The following LHFPL6 variants were observed in gnomAD, a reference collection of about 807,000 sequenced individuals.
LHFPL6 encodes LHFPL tetraspan subfamily member 6 protein.
LHFPL6 carries 9 observed loss-of-function variants against 20.6 expected under a neutral mutation model. The ratio of observed to expected loss-of-function variants is 0.44; its 90% CI spans 0.26 to 0.76. The LOEUF is 0.76. LHFPL6 is among the 30% of genes least tolerant of loss of function. The pLI is 0.20. For missense variants in LHFPL6, 218 were observed against 253.5 expected (o/e 0.86, Z 0.95); for synonymous variants, 105 against 98.7 (o/e 1.06, Z -0.38).
chr13:39,418,382 C>CTTTTTTTTT (rs71077297), intron 2 of LHFPL6, among the ~76,000 whole-genome samples: 2 of 129,738 alleles, frequency 1.5e-5, no homozygotes, highest in Non-Finnish European at 1.6e-5. Flanking sequence ...TTTTTTTGGT[C>CTTTTTTTTT]TTTTTTTTTT....
At chr13:39,415,057 T>A (rs964542543) in intron 2 of LHFPL6, among the ~76,000 whole-genome samples, 1 of 152,222 alleles carries the variant, frequency 6.6e-6, no homozygotes, top group East Asian at 1.9e-4. Context: ...CTGTGGCACA[T>A]GACCAGTTTA....
intron 2 of LHFPL6, among the ~76,000 whole-genome samples, chr13:39,476,140 T>C (rs1873079421): frequency 6.6e-6 from 1 of 152,196 alleles, no homozygotes; most frequent in African/African-American, 2.4e-5. Flanking sequence ...AGGAAACACA[T>C]ATCCCATTTT....
intron 3 of LHFPL6, among the ~76,000 whole-genome samples, chr13:39,376,524 G>A (rs889658927): frequency 1.3e-5 from 2 of 152,130 alleles, no homozygotes; most frequent in African/African-American, 4.8e-5. Flanking sequence ...TATTATATTC[G>A]ACGGAAGTAG....
At chr13:39,358,156 T>G (rs187957054) in intron 3 of LHFPL6, among the ~76,000 whole-genome samples, 17 of 151,842 alleles carry the variant, frequency 1.1e-4, no homozygotes, top group African/African-American at 3.9e-4. Context: ...TACAACAAAT[T>G]TACAAAAACC....
In LHFPL6 at chr13:39,351,784, T is replaced by G. The variant is rs141306520; in HGVS notation, c.485-7730A>C. ...GTTCAACCACTCATATACTGCTGAG[T>G]GTTCAAACTATATTCAAATAAAGCA... On this transcript the variant is annotated intron_variant, in intron 3 of 3. Coordinates refer to ENST00000379589, the MANE Select transcript of LHFPL6 (RefSeq NM_005780.3). Among the ~76,000 whole-genome samples the G allele has an allele frequency of 3.0e-3, 452 of 152,318 alleles. 3 individuals are homozygous for G. The highest frequency in any genetic ancestry group is 0.01 in the African/African-American group (418 of 41,586).
intron 2 of LHFPL6, among the ~76,000 whole-genome samples, chr13:39,514,270 G>A (rs769140224): frequency 1.4e-4 from 22 of 151,928 alleles, no homozygotes; most frequent in African/African-American, 3.1e-4. Context: ...AGAGAAGGGC[G>A]GGGTCACAAG....
chr13:39,436,309 G>A (rs1009761051), intron 2 of LHFPL6, among the ~76,000 whole-genome samples: 1 of 152,158 alleles, frequency 6.6e-6, no homozygotes, highest in East Asian at 1.9e-4. Flanking sequence ...TATCAGTAAA[G>A]TTGTGAAATT....
chr13:39,365,712 T>A (rs1869993616), intron 3 of LHFPL6, among the ~76,000 whole-genome samples: 1 of 152,242 alleles, frequency 6.6e-6, no homozygotes, highest in South Asian at 2.1e-4. Flanking sequence ...AAGTCCTAGC[T>A]CTCTTTTTAG....
chr13:39,475,287 G>A (rs1176598106), intron 2 of LHFPL6, among the ~76,000 whole-genome samples: 1 of 152,158 alleles, frequency 6.6e-6, no homozygotes, highest in Non-Finnish European at 1.5e-5. Context: ...TGCTTATCAT[G>A]TGTAGATGCT....
intron 2 of LHFPL6, among the ~76,000 whole-genome samples, chr13:39,509,007 C>G (rs533619699): frequency 3.9e-5 from 6 of 152,148 alleles, no homozygotes; most frequent in African/African-American, 1.4e-4. Context: ...ATTTATGCTT[C>G]GTATGGTTAG....
chr13:39,398,921 C>T (rs906346993), intron 2 of LHFPL6, among the ~76,000 whole-genome samples: 1 of 152,216 alleles, frequency 6.6e-6, no homozygotes. Context: ...ACTACACCCT[C>T]CTGTCCATGG....
chr13:39,343,649 GTTGTA>G lies in LHFPL6; in HGVS notation c.*282_*286del. On this transcript the variant is annotated 3_prime_UTR_variant, in exon 4 of 4. Transcript: ENST00000379589. ...TGTGTGTGTGTGTGTGTGTGTGTGTGTTGTACATTAACAATACTCTGTGGAATAGA... is the reference window on the plus strand; with the variant it reads ...TGTGTGTGTGTGTGTGTGTGTGTGTGCATTAACAATACTCTGTGGAATAGA... 1 of 278,524 alleles carries G rather than the reference GTTGTA, an allele frequency of 3.6e-6. No homozygotes were observed. The highest frequency in any genetic ancestry group is 2.5e-5 in the African/African-American group (1 of 40,588). The allele number at this position is 278,524 out of a possible 1,614,324, so 17.3% of individuals were successfully genotyped here. A position where few individuals can be genotyped will look rare whatever the true frequency, so the allele number is the denominator to read the frequency against.
intron 2 of LHFPL6, among the ~76,000 whole-genome samples, chr13:39,504,863 A>G (rs916129318): frequency 9.9e-5 from 15 of 152,206 alleles, no homozygotes; most frequent in African/African-American, 3.6e-4. Flanking sequence ...TATGCTGCCA[A>G]AACCGCAGAG....
chr13:39,389,050 C>A (rs1434622422), intron 2 of LHFPL6, among the ~76,000 whole-genome samples: 1 of 152,164 alleles, frequency 6.6e-6, no homozygotes, highest in East Asian at 1.9e-4. Context: ...ACAGAGTTAG[C>A]TGGAGAAGAG....
intron 2 of LHFPL6, among the ~76,000 whole-genome samples, chr13:39,577,417 T>C (rs1872150006): frequency 6.6e-6 from 1 of 152,152 alleles, no homozygotes; most frequent in Non-Finnish European, 1.5e-5. Flanking sequence ...GAAAGGAGCA[T>C]ATGTGCTTCC....
intron 2 of LHFPL6, among the ~76,000 whole-genome samples, chr13:39,540,353 T>A (rs888192874): frequency 6.6e-6 from 1 of 152,028 alleles, no homozygotes; most frequent in African/African-American, 2.4e-5. Context: ...TAAGAAAAAA[T>A]TGCTAATTTT....
intron 2 of LHFPL6, among the ~76,000 whole-genome samples, chr13:39,427,598 T>G (rs1871678488): frequency 1.3e-5 from 2 of 152,220 alleles, no homozygotes; most frequent in African/African-American, 4.8e-5. Context: ...CAATGTTAAA[T>G]GAGCCCTGCA....
intron 2 of LHFPL6, among the ~76,000 whole-genome samples, chr13:39,559,049 G>A (rs948362814): frequency 2.6e-5 from 4 of 152,202 alleles, no homozygotes; most frequent in Admixed American, 6.5e-5. Flanking sequence ...GACAGGTTCT[G>A]TTGCAGGCAC....
chr13:39,545,124 T>C (rs1336563629), intron 2 of LHFPL6, among the ~76,000 whole-genome samples: 4 of 151,450 alleles, frequency 2.6e-5, no homozygotes, highest in Non-Finnish European at 4.4e-5. Flanking sequence ...CGGGCGCCTG[T>C]AGTCCCAGCT....
Sources: allele counts gnomAD v4.1 joint callset (sites outside exome capture counted in the v4.1 genomes callset), GRCh38; gene constraint gnomAD v4.1.1; transcripts MANE v1.5; gene names NCBI Gene and HGNC (gene_info 2026-07-23, HGNC 2026-07-21).